Variants in TMEM8B observed in about 807,000 individuals in gnomAD.
TMEM8B encodes nasopharyngeal carcinoma expressed 6.
Under a neutral mutation model 49.3 loss-of-function variants are expected in TMEM8B, and 29 were observed. The ratio of observed to expected loss-of-function variants is 0.59; its 90% CI spans 0.44 to 0.80. The LOEUF is 0.80. Among genes scored for constraint, TMEM8B ranks in the 30% least tolerant of loss-of-function variants. The pLI, the probability that TMEM8B is intolerant of heterozygous loss-of-function variation, is 0.00. For synonymous variants in TMEM8B, 264 were observed against 272.8 expected (o/e 0.97, Z 0.32); for missense variants, 575 against 658.5 (o/e 0.87, Z 1.39).
Position 35,854,056 on chromosome 9 carries a change from A to G in TMEM8B, c.*216A>G, listed in dbSNP as rs1389803389. ...CCCCTGCATCATGGAGTCCTTCTTA[A>G]GGACTGGAGCCTATGCAGGCACAGA... On this transcript the variant is annotated 3_prime_UTR_variant, in exon 13 of 13. Transcript: ENST00000643932. The G allele has an allele frequency of 2.3e-6, 3 of 1,278,394 alleles. No homozygotes were observed. The highest frequency in any genetic ancestry group is 7.4e-5 in the Admixed American group (2 of 27,084). 79.2% of individuals were successfully genotyped at this position (1,278,394 alleles called of 1,614,324 possible).
rs1444176005 is a variant in TMEM8B at position 35,845,475 on chromosome 9, C to T, written c.1636-500C>T. 4.1e-6 allele frequency: 4 copies of T among 985,276 alleles called. No homozygotes were observed. The East Asian group carries it at 3.4e-4, about 84-fold the overall frequency. 61.0% of individuals were successfully genotyped at this position (985,276 alleles called of 1,614,324 possible). Reference sequence around the variant, plus strand: ...GTTTCTTTTAATCCCAGCCAGGTTGCTACATTTAATCTCTTGGGCATTCTG... The same window carrying T: ...GTTTCTTTTAATCCCAGCCAGGTTGTTACATTTAATCTCTTGGGCATTCTG... On this transcript the variant is annotated intron_variant, in intron 6 of 12. Transcript: ENST00000643932.
In TMEM8B at chr9:35,847,012, G is replaced by A. The variant is rs1487749931; in HGVS notation, c.2175+17G>A. Reference sequence around the variant, plus strand: ...TTCTCCACGGTATGCGGTGGTGTCTGCATCTTATCACTGGGTGCTTGTGCA... The same window carrying A: ...TTCTCCACGGTATGCGGTGGTGTCTACATCTTATCACTGGGTGCTTGTGCA... On this transcript the variant is annotated intron_variant, in intron 10 of 12. Coordinates refer to ENST00000643932, the MANE Select transcript of TMEM8B (RefSeq NM_001042590.4). 2 of 1,614,220 alleles carry A rather than the reference G, an allele frequency of 1.2e-6. No homozygotes were observed. Among genetic ancestry groups the A allele is most frequent in the Non-Finnish European group, 1.7e-6 (2 of 1,180,038 alleles).
chr9:35,853,361 C>T lies in TMEM8B; in HGVS notation c.2439+104C>T, dbSNP rs554024118. 627 of 1,445,302 alleles carry T rather than the reference C, an allele frequency of 4.3e-4. 3 individuals carry two copies. The African/African-American group carries it at 7.9e-3, about 18-fold the overall frequency. The allele number at this position is 1,445,302 out of a possible 1,614,324, so 89.5% of individuals were successfully genotyped here. A position where few individuals can be genotyped will look rare whatever the true frequency, so the allele number is the denominator to read the frequency against. On this transcript the variant is annotated intron_variant, in intron 12 of 12. Transcript: ENST00000643932. The surrounding 1 kb of genome is among the most constrained non-coding windows in gnomAD (Gnocchi z 4.2). ...AAGGTGGGCTTGGCTCTGTCGTCAT[C>T]ACCTGCTGCTGGCAGTGTCCGCTCC...
In TMEM8B at chr9:35,841,062, G is replaced by A. The variant is rs560763906; in HGVS notation, c.907-72G>A. 4.8e-6 allele frequency: 2 copies of A among 413,382 alleles called. No individual in the cohort carries two copies. The highest frequency in any genetic ancestry group is 4.1e-5 in the African/African-American group (2 of 48,598). 25.6% of individuals were successfully genotyped at this position (413,382 alleles called of 1,614,324 possible). A position where few individuals can be genotyped will look rare whatever the true frequency, so the allele number is the denominator to read the frequency against. On this transcript the variant is annotated intron_variant, in intron 3 of 12. Coordinates refer to ENST00000643932, the MANE Select transcript of TMEM8B (RefSeq NM_001042590.4). The surrounding 1 kb of genome is among the most constrained non-coding windows in gnomAD (Gnocchi z 5.9). ...GGGTTTCTCCCCAGCCCGCCCAGCA[G>A]GTTCTGTTTGCCTTGGTTTAGTCAC...
rs371002568 is a variant in TMEM8B, at chr9:35,853,860, C to T, written c.*20C>T. 3,435 of 1,517,454 alleles carry T rather than the reference C, an allele frequency of 2.3e-3. 8 individuals carry two copies. The highest frequency in any genetic ancestry group is 2.7e-3 in the Non-Finnish European group (3,058 of 1,138,490). The allele number at this position is 1,517,454 out of a possible 1,614,324, so 94.0% of individuals were successfully genotyped here. On this transcript the variant is annotated 3_prime_UTR_variant, in exon 13 of 13. Transcript: ENST00000643932. This position sits in a 1 kb window ranked among gnomAD's most constrained non-coding sequence, Gnocchi z 4.2. ...AGCTGAGAGGGGCTTTGGGCCTGGC[C>T]CTGAGGGGATATGAATGCTTCCTAG...
Position 35,854,069 on chromosome 9 carries a change from A to G in TMEM8B, c.*229A>G, listed in dbSNP as rs1476512367. ...GAGTCCTTCTTAAGGACTGGAGCCTATGCAGGCACAGAGTCCCTCAGGACC... is the reference window on the plus strand; with the variant it reads ...GAGTCCTTCTTAAGGACTGGAGCCTGTGCAGGCACAGAGTCCCTCAGGACC... On this transcript the variant is annotated 3_prime_UTR_variant, in exon 13 of 13. Coordinates refer to ENST00000643932, the MANE Select transcript of TMEM8B (RefSeq NM_001042590.4). The G allele has an allele frequency of 1.6e-6, 2 of 1,252,834 alleles. No individual in the cohort carries two copies. Among genetic ancestry groups the G allele is most frequent in the Admixed American group, 3.8e-5 (1 of 26,540 alleles). 77.6% of individuals were successfully genotyped at this position (1,252,834 alleles called of 1,614,324 possible).
chr9:35,865,452 G>C lies in TMEM8B; in HGVS notation c.*11612G>C, dbSNP rs1402610060. On this transcript the variant is annotated 3_prime_UTR_variant, in exon 13 of 13. Transcript: ENST00000643932. The stretch of plus-strand genomic sequence containing the variant: ...CAATAAAGAATAACAACTTGACACA[G>C]CTTAGAGACTAAAAATCATCCTTCA... 1 of 152,128 alleles carries C rather than the reference G, an allele frequency of 6.6e-6. No individual in the cohort carries two copies. Among genetic ancestry groups the C allele is most frequent in the Non-Finnish European group, 1.5e-5 (1 of 68,032 alleles). 9.4% of individuals were successfully genotyped at this position (152,128 alleles called of 1,614,324 possible). A position where few individuals can be genotyped will look rare whatever the true frequency, so the allele number is the denominator to read the frequency against.
At chr9:35,845,550 T>G (rs1036722740) in intron 6 of TMEM8B, 5 of 985,468 alleles carry the variant, frequency 5.1e-6, no homozygotes, top group Non-Finnish European at 6.0e-6. Flanking sequence ...GGAGTGAGTG[T>G]CTTCATGCTC....
Position 35,846,299 on chromosome 9 carries a change from AG to A in TMEM8B, c.1774del (p.Val592LeufsTer102). 6.2e-7 allele frequency: 1 copy of A among 1,614,164 alleles called. No individual in the cohort carries two copies. Among genetic ancestry groups the A allele is most frequent in the Non-Finnish European group, 8.5e-7 (1 of 1,180,028 alleles). On this transcript the variant is annotated frameshift_variant, in exon 8 of 13. Coordinates refer to ENST00000643932, the MANE Select transcript of TMEM8B (RefSeq NM_001042590.4). LOFTEE classifies it high-confidence loss of function. The stretch of plus-strand genomic sequence containing the variant: ...CCTCCTCTCTGTCAGTGCCACCACC[AG>A]GGTTGCCAGGCTGCGAATCCCATTC... ...GFLLSVSATT[R>X]VARLRIPFPQ...
chr9:35,842,519 G>A lies in TMEM8B; in HGVS notation c.1437G>A (p.Gly479=), dbSNP rs1440164721. The change falls in exon 6 of 13, where the codon GGG becomes GGA. Residue 479 remains glycine, a synonymous_variant. Coordinates refer to ENST00000643932, the MANE Select transcript of TMEM8B (RefSeq NM_001042590.4). The surrounding 1 kb of genome is among the most constrained non-coding windows in gnomAD (Gnocchi z 5.6). The stretch of plus-strand genomic sequence containing the variant: ...TTGGAACCCCTGCGGAGGGGCCTGG[G>A]ACCACGTCCCCACCCGAGCACTGCT... The part of the protein sequence containing the change: ...PSLGTPAEGP[G]TTSPPEHCWP... 3 of 1,613,694 alleles carry A rather than the reference G, an allele frequency of 1.9e-6. No homozygotes were observed. The highest frequency in any genetic ancestry group is 4.5e-5 in the East Asian group (2 of 44,866).
Position 35,854,021 on chromosome 9 carries a change from G to A in TMEM8B, c.*181G>A. ...CCAGGACATGGAGAACTTCCTGAGG[G>A]CCTGGAGTCCCCCTGCATCATGGAG... On this transcript the variant is annotated 3_prime_UTR_variant, in exon 13 of 13. Coordinates refer to ENST00000643932, the MANE Select transcript of TMEM8B (RefSeq NM_001042590.4). 1 of 1,334,096 alleles carries A rather than the reference G, an allele frequency of 7.5e-7. No homozygotes were observed. The highest frequency in any genetic ancestry group is 2.4e-5 in the South Asian group (1 of 41,662). The allele number at this position is 1,334,096 out of a possible 1,614,324, so 82.6% of individuals were successfully genotyped here. A position where few individuals can be genotyped will look rare whatever the true frequency, so the allele number is the denominator to read the frequency against.
Position 35,853,720 on chromosome 9 carries a change from C to A in TMEM8B, c.2655C>A (p.His885Gln), listed in dbSNP as rs200428301. ...FLLPPRAKTD[H>Q]GVPSGARARG... ...TGCCCCCTCGTGCCAAGACTGACCACGGGGTCCCATCTGGAGCCCGGGCCC... is the reference window on the plus strand; with the variant it reads ...TGCCCCCTCGTGCCAAGACTGACCAAGGGGTCCCATCTGGAGCCCGGGCCC... The change falls in exon 13 of 13, where the codon CAC becomes CAA. Residue 885 changes from histidine (H) to glutamine (Q), a missense_variant. His to Gln is a conservative substitution (Grantham distance 24). Coordinates refer to ENST00000643932, the MANE Select transcript of TMEM8B (RefSeq NM_001042590.4). This position sits in a 1 kb window ranked among gnomAD's most constrained non-coding sequence, Gnocchi z 4.2. 2 of 1,614,052 alleles carry A rather than the reference C, an allele frequency of 1.2e-6. No homozygotes were observed. The highest frequency in any genetic ancestry group is 2.2e-5 in the South Asian group (2 of 91,082).
rs1159061498 is a variant in TMEM8B, at chr9:35,845,806, A to C, written c.1636-169A>C. The C allele has an allele frequency of 4.1e-6, 4 of 985,336 alleles. No homozygotes were observed. In the South Asian group the frequency reaches 1.4e-4, roughly 35 times the overall value. The allele number at this position is 985,336 out of a possible 1,614,324, so 61.0% of individuals were successfully genotyped here. On this transcript the variant is annotated intron_variant, in intron 6 of 12. Transcript: ENST00000643932. ...TGCTGTGGAGGATCTGTTGTTTTTCAGTTTTTCTGTTCTGAGAATGGAGGT... is the reference window on the plus strand; with the variant it reads ...TGCTGTGGAGGATCTGTTGTTTTTCCGTTTTTCTGTTCTGAGAATGGAGGT...
intron 10 of TMEM8B, among the ~76,000 whole-genome samples, chr9:35,848,494 T>C (rs887503480): frequency 9.2e-5 from 14 of 152,064 alleles, no homozygotes; most frequent in Non-Finnish European, 1.3e-4. Context: ...GCATATTCAC[T>C]CTCTGGACTT....
At chr9:35,831,110 G>A (rs1047765001) in intron 1 of TMEM8B, among the ~76,000 whole-genome samples, 11 of 152,196 alleles carry the variant, frequency 7.2e-5, no homozygotes, top group Non-Finnish European at 1.0e-4. Flanking sequence ...TTAAGGAGAC[G>A]AATGCACGTG....
intron 10 of TMEM8B, 123 bp from the exon 11 acceptor site, chr9:35,852,704 A>G: frequency 8.7e-7 from 1 of 1,148,452 alleles, no homozygotes; most frequent in Non-Finnish European, 1.3e-6. Flanking sequence ...AGATCTTCTC[A>G]TCTGTGACCT....
At position 35,861,147 on chromosome 9, in the gene TMEM8B, G is replaced by A. The variant is rs1832646056; in HGVS notation, c.*7307G>A. On this transcript the variant is annotated 3_prime_UTR_variant, in exon 13 of 13. Coordinates refer to ENST00000643932, the MANE Select transcript of TMEM8B (RefSeq NM_001042590.4). ...CCTTCGCTCCTGGGTTGGTTGTGAG[G>A]ACAGTGCTTTGTGACAGCAGTGGAG... The A allele has an allele frequency of 6.6e-6, 1 of 152,296 alleles. No individual in the cohort carries two copies. Among genetic ancestry groups the A allele is most frequent in the Non-Finnish European group, 1.5e-5 (1 of 68,122 alleles). 9.4% of individuals were successfully genotyped at this position (152,296 alleles called of 1,614,324 possible). A position where few individuals can be genotyped will look rare whatever the true frequency, so the allele number is the denominator to read the frequency against.
In TMEM8B at chr9:35,842,878, A is replaced by G. The variant is rs1296702867; in HGVS notation, c.1635+161A>G. Among the ~76,000 whole-genome samples, 3 of 152,196 alleles carry G rather than the reference A, an allele frequency of 2.0e-5. No individual in the cohort carries two copies. Among genetic ancestry groups the G allele is most frequent in the Admixed American group, 6.5e-5 (1 of 15,288 alleles). On this transcript the variant is annotated intron_variant, in intron 6 of 12. Transcript: ENST00000643932. This position sits in a 1 kb window ranked among gnomAD's most constrained non-coding sequence, Gnocchi z 5.6. The stretch of plus-strand genomic sequence containing the variant: ...GGCTCAGCCCAATTCTGGTCAACAA[A>G]CATGTCCTGAGTATTCACTCTGCTA...
Position 35,845,478 on chromosome 9 carries a change from C to T in TMEM8B, c.1636-497C>T, listed in dbSNP as rs1376806703. 4.1e-6 allele frequency: 4 copies of T among 985,320 alleles called. No individual in the cohort carries two copies. The East Asian group carries it at 3.4e-4, about 84-fold the overall frequency. 61.0% of individuals were successfully genotyped at this position (985,320 alleles called of 1,614,324 possible). A position where few individuals can be genotyped will look rare whatever the true frequency, so the allele number is the denominator to read the frequency against. The stretch of plus-strand genomic sequence containing the variant: ...TCTTTTAATCCCAGCCAGGTTGCTA[C>T]ATTTAATCTCTTGGGCATTCTGTTA... On this transcript the variant is annotated intron_variant, in intron 6 of 12. Transcript: ENST00000643932.
Sources: allele counts gnomAD v4.1 joint callset (sites outside exome capture counted in the v4.1 genomes callset), GRCh38; gene constraint gnomAD v4.1.1; non-coding constraint Gnocchi (gnomAD v3.1); transcripts MANE v1.5; gene names NCBI Gene and HGNC (gene_info 2026-07-23, HGNC 2026-07-21).